The following RAN variants were observed in gnomAD, a reference collection of about 807,000 sequenced individuals.
The protein encoded by RAN is GTP-binding nuclear protein Ran.
Under a neutral mutation model 26.8 loss-of-function variants are expected in RAN, and 2 were observed. The ratio of observed to expected loss-of-function variants is 0.07; its 90% CI spans 0.03 to 0.23. The LOEUF is 0.23. RAN is among the 10% of genes least tolerant of loss of function. The pLI, the probability that RAN is intolerant of heterozygous loss-of-function variation, is 1.00. For synonymous variants in RAN, 132 were observed against 95.9 expected, an observed-to-expected ratio of 1.38 and a Z score of -2.20; for missense variants, 56 against 264.8, an observed-to-expected ratio of 0.21 and a Z score of 5.47.
Position 130,872,626 on chromosome 12 carries a change from C to A in RAN, c.33C>A (p.Phe11Leu), listed in dbSNP as rs1953159397. The change falls in exon 2 of 7, where the codon TTC becomes TTA. Residue 11 changes from phenylalanine (F) to leucine (L), a missense_variant. By Grantham distance (22) the Phe-to-Leu change is conservative (BLOSUM62 0). Coordinates refer to ENST00000543796, the MANE Select transcript of RAN (RefSeq NM_006325.5). ...CGCAGGGAGAGCCCCAGGTCCAGTT[C>A]AAAGTAGGTAACCCTGCGGGGCGGG... MAAQGEPQVQFKLVLVGDGGT... is the reference protein window; with the variant it reads MAAQGEPQVQLKLVLVGDGGT... 1 of 1,532,724 alleles carries A rather than the reference C, an allele frequency of 6.5e-7. No homozygotes were observed. Among genetic ancestry groups the A allele is most frequent in the Non-Finnish European group, 8.7e-7 (1 of 1,143,078 alleles). The allele number at this position is 1,532,724 out of a possible 1,614,324, so 94.9% of individuals were successfully genotyped here. A position where few individuals can be genotyped will look rare whatever the true frequency, so the allele number is the denominator to read the frequency against.
chr12:130,875,875 C>T lies in RAN; in HGVS notation c.607-7C>T, dbSNP rs373083380. On this transcript the variant is annotated splice_region_variant and splice_polypyrimidine_tract_variant and intron_variant, in intron 6 of 6. Transcript: ENST00000543796. ...GAGTGTTAACGTTTTTCCATCTCTT[C>T]GTCTAGGTTGCTCAGACAACTGCTC... 2.7e-5 allele frequency: 43 copies of T among 1,613,990 alleles called. No homozygotes were observed. The highest frequency in any genetic ancestry group is 2.2e-4 in the East Asian group (10 of 44,888).
intron 4 of RAN, chr12:130,873,845 A>G (rs916103641): frequency 1.8e-5 from 3 of 167,666 alleles, no homozygotes; most frequent in East Asian, 3.7e-4. Context: ...CTGCAGGTGA[A>G]TATATAGGCT....
Position 130,876,847 on chromosome 12 carries a change from T to C in RAN, c.*921T>C, listed in dbSNP as rs1953254102. The C allele has an allele frequency of 6.6e-6, 1 of 152,176 alleles. No homozygotes were observed. Among genetic ancestry groups the C allele is most frequent in the Non-Finnish European group, 1.5e-5 (1 of 68,034 alleles). The allele number at this position is 152,176 out of a possible 1,614,324, so 9.4% of individuals were successfully genotyped here. On this transcript the variant is annotated 3_prime_UTR_variant, in exon 7 of 7. Coordinates refer to ENST00000543796, the MANE Select transcript of RAN (RefSeq NM_006325.5). Reference sequence around the variant, plus strand: ...AATGGTCCATGTTTACCCACAGTTTTCAGGTACTCCTAGACTTTAAAGATG... The same window carrying C: ...AATGGTCCATGTTTACCCACAGTTTCCAGGTACTCCTAGACTTTAAAGATG...
Position 130,876,059 on chromosome 12 carries a change from A to C in RAN, c.*133A>C. 1 of 914,500 alleles carries C rather than the reference A, an allele frequency of 1.1e-6. No individual in the cohort carries two copies. Among genetic ancestry groups the C allele is most frequent in the Non-Finnish European group, 1.7e-6 (1 of 589,734 alleles). The allele number at this position is 914,500 out of a possible 1,614,324, so 56.6% of individuals were successfully genotyped here. A position where few individuals can be genotyped will look rare whatever the true frequency, so the allele number is the denominator to read the frequency against. On this transcript the variant is annotated 3_prime_UTR_variant, in exon 7 of 7. Coordinates refer to ENST00000543796, the MANE Select transcript of RAN (RefSeq NM_006325.5). ...CATGTGCTTCATCTGTGGGATGCTG[A>C]AGGAGATGAGTGGGCTTCGGAGTGA...
rs200932602 is a variant in RAN, at chr12:130,872,936, C to T, written c.121+16C>T. 17 of 1,614,202 alleles carry T rather than the reference C, an allele frequency of 1.1e-5. No individual in the cohort carries two copies. The highest frequency in any genetic ancestry group is 1.4e-5 in the Non-Finnish European group (17 of 1,180,028). On this transcript the variant is annotated intron_variant, in intron 3 of 6. Transcript: ENST00000543796. ...AAGTATGTAGGTATGTGCTGGAAAA[C>T]CTTGCTTGTGGAAATATGTGAGAAA...
At chr12:130,872,801 T>TAA (rs1953164584) in intron 2 of RAN, 35 bp from the exon 3 acceptor site, 3 of 1,608,370 alleles carry the variant, frequency 1.9e-6, no homozygotes, top group Non-Finnish European at 2.6e-6. Flanking sequence ...AGGTGAAGTG[T>TAA]TTAGGGTTTA....
intron 4 of RAN, 23 bp from the exon 5 acceptor site, chr12:130,874,523 A>C (rs780155171): frequency 6.6e-7 from 1 of 1,526,610 alleles, no homozygotes; most frequent in Non-Finnish European, 9.0e-7. Flanking sequence ...TGAGTGTACT[A>C]ATTCCCACAA....
rs1045907454 is a variant in RAN, at chr12:130,876,650, T to C, written c.*724T>C. 7.2e-5 allele frequency: 11 copies of C among 152,172 alleles called. No homozygotes were observed. Among genetic ancestry groups the C allele is most frequent in the African/African-American group, 2.4e-4 (10 of 41,438 alleles). The allele number at this position is 152,172 out of a possible 1,614,324, so 9.4% of individuals were successfully genotyped here. On this transcript the variant is annotated 3_prime_UTR_variant, in exon 7 of 7. Coordinates refer to ENST00000543796, the MANE Select transcript of RAN (RefSeq NM_006325.5). ...ACATATCAAATAGATATTTTAAGGG[T>C]AATATTTTCTTTTATGGCAAAAGTA...
rs1487570949 is a variant in RAN at position 130,872,611 on chromosome 12, G to T, written c.18G>T (p.Glu6Asp). 1.3e-6 allele frequency: 2 copies of T among 1,527,454 alleles called. No individual in the cohort carries two copies. Among genetic ancestry groups the T allele is most frequent in the East Asian group, 2.4e-5 (1 of 41,766 alleles). 94.6% of individuals were successfully genotyped at this position (1,527,454 alleles called of 1,614,324 possible). A position where few individuals can be genotyped will look rare whatever the true frequency, so the allele number is the denominator to read the frequency against. The change falls in exon 2 of 7, where the codon GAG (glutamate) becomes GAT (aspartate). Residue 6 changes from glutamate to aspartate, a missense_variant. Physicochemically the swap from Glu to Asp is conservative, Grantham distance 45. Around this residue, in one of 2 missense-constraint regions of RAN, gnomAD observed 17 missense variants for 16.1 expected, o/e 1.05. Coordinates refer to ENST00000543796, the MANE Select transcript of RAN (RefSeq NM_006325.5). MAAQGEPQVQFKLVLV... is the reference protein window; with the variant it reads MAAQGDPQVQFKLVLV... ...ACGCCGCGATGGCTGCGCAGGGAGA[G>T]CCCCAGGTCCAGTTCAAAGTAGGTA...
chr12:130,873,573 T>C (rs900720825), intron 4 of RAN: 3 of 171,252 alleles, frequency 1.8e-5, no homozygotes, highest in Non-Finnish European at 3.8e-5. Flanking sequence ...TTAAATTGTT[T>C]GTACTAAGTT....
Position 130,876,215 on chromosome 12 carries a change from G to A in RAN, c.*289G>A. On this transcript the variant is annotated 3_prime_UTR_variant, in exon 7 of 7. Transcript: ENST00000543796. Reference sequence around the variant, plus strand: ...TCACAATATTCAGTGGTGAAATCTTGTTTGTTACTGTCATTCCCATTCCTT... The same window carrying A: ...TCACAATATTCAGTGGTGAAATCTTATTTGTTACTGTCATTCCCATTCCTT... 2.4e-6 allele frequency: 1 copy of A among 408,822 alleles called. No homozygotes were observed. The highest frequency in any genetic ancestry group is 4.2e-5 in the Admixed American group (1 of 24,058). The allele number at this position is 408,822 out of a possible 1,614,324, so 25.3% of individuals were successfully genotyped here. A position where few individuals can be genotyped will look rare whatever the true frequency, so the allele number is the denominator to read the frequency against.
intron 1 of RAN, 121 bp from the exon 2 acceptor site, chr12:130,872,463 A>G (rs1466930882): frequency 1.9e-5 from 11 of 569,418 alleles, no homozygotes; most frequent in East Asian, 6.1e-5. Context: ...CCTGGCCGCC[A>G]TGGCGCCGCG....
At position 130,873,082 on chromosome 12, in the gene RAN, C is replaced by T. The variant is rs760291624; in HGVS notation, c.201C>T (p.Ala67=). Residue 67 remains alanine (A), a synonymous_variant, in exon 4 of 7, where the codon GCC becomes GCT. Transcript: ENST00000543796. ...GPIKFNVWDT[A]GQEKFGGLRD... The stretch of plus-strand genomic sequence containing the variant: ...TTAAGTTCAATGTATGGGACACAGC[C>T]GGCCAGGAGAAATTCGGTGGACTGA... The T allele has an allele frequency of 2.5e-6, 4 of 1,614,146 alleles. No homozygotes were observed. The highest frequency in any genetic ancestry group is 1.3e-5 in the African/African-American group (1 of 75,028).
chr12:130,872,776 C>T (rs1420613507), intron 2 of RAN, 60 bp from the exon 3 acceptor site: 31 of 1,595,826 alleles, frequency 1.9e-5, no homozygotes, highest in Middle Eastern at 1.7e-4. Context: ...AGTTCCGTGA[C>T]TCTGGGATCT....
chr12:130,872,806 G>T (rs1408590547), intron 2 of RAN, 30 bp from the exon 3 acceptor site: 1 of 1,610,810 alleles, frequency 6.2e-7, no homozygotes, highest in Non-Finnish European at 8.5e-7. Flanking sequence ...AAGTGTTTAG[G>T]GTTTACTTCC....
At position 130,872,546 on chromosome 12, in the gene RAN, G is replaced by A. The variant is rs1485050478; in HGVS notation, c.-10-38G>A. On this transcript the variant is annotated intron_variant, in intron 1 of 6. Coordinates refer to ENST00000543796, the MANE Select transcript of RAN (RefSeq NM_006325.5). The stretch of plus-strand genomic sequence containing the variant: ...GAGCGGGGCCGCCATGGGCTGCGGG[G>A]CCGCGCGAGCGCTCGCCTCCGTCCT... The A allele has an allele frequency of 4.9e-6, 7 of 1,423,192 alleles. 1 individual carries two copies. The South Asian group carries it at 9.5e-5, about 19-fold the overall frequency. 88.2% of individuals were successfully genotyped at this position (1,423,192 alleles called of 1,614,324 possible). A position where few individuals can be genotyped will look rare whatever the true frequency, so the allele number is the denominator to read the frequency against.
At chr12:130,874,142 C>G (rs1343717432) in intron 4 of RAN, 1 of 203,714 alleles carries the variant, frequency 4.9e-6, no homozygotes, top group African/African-American at 2.5e-5. Flanking sequence ...AGCCACATTG[C>G]TTGGCCTATC....
In RAN at chr12:130,876,810, A is replaced by G. The variant is rs1278594599; in HGVS notation, c.*884A>G. 3 of 152,230 alleles carry G rather than the reference A, an allele frequency of 2.0e-5. No homozygotes were observed. The highest frequency in any genetic ancestry group is 4.4e-5 in the Non-Finnish European group (3 of 68,034). 9.4% of individuals were successfully genotyped at this position (152,230 alleles called of 1,614,324 possible). ...ATGTTAGATGCTTAGTGTGAAGTTG[A>G]TACGCAAGGAAAATGGTCCATGTTT... is the stretch of plus-strand genomic sequence containing the variant. On this transcript the variant is annotated 3_prime_UTR_variant, in exon 7 of 7. Coordinates refer to ENST00000543796, the MANE Select transcript of RAN (RefSeq NM_006325.5).
rs980080901 is a variant in RAN, at chr12:130,875,599, T to G, written c.436-13T>G. On this transcript the variant is annotated splice_polypyrimidine_tract_variant and intron_variant, in intron 5 of 6. Coordinates refer to ENST00000543796, the MANE Select transcript of RAN (RefSeq NM_006325.5). The stretch of plus-strand genomic sequence containing the variant: ...TGAATTTTAAAAAGTAATTTTACCT[T>G]TCTTTTAAACAGTACTACGACATTT... 2.6e-6 allele frequency: 4 copies of G among 1,545,764 alleles called. No homozygotes were observed. The highest frequency in any genetic ancestry group is 3.5e-6 in the Non-Finnish European group (4 of 1,147,412).
Sources: allele counts gnomAD v4.1 joint callset, GRCh38; gene constraint gnomAD v4.1.1; regional missense constraint gnomAD v4.1.1; transcripts MANE v1.5; gene names NCBI Gene and HGNC (gene_info 2026-07-23, HGNC 2026-07-21).